SAMMSON: variants seen among roughly 807,000 people sequenced by gnomAD.
SAMMSON encodes long intergenic non-protein coding RNA 1212.
intron 3 of SAMMSON, among the ~76,000 whole-genome samples, chr3:70,024,520 A>G (rs994333582): frequency 6.6e-6 from 1 of 152,206 alleles, no homozygotes; most frequent in Non-Finnish European, 1.5e-5. Context: ...AAAGACATGG[A>G]GCCAGTAAGC....
intron 6 of SAMMSON, among the ~76,000 whole-genome samples, chr3:70,268,397 C>A (rs756812452): frequency 1.3e-5 from 2 of 148,240 alleles, no homozygotes; most frequent in Non-Finnish European, 3.0e-5. Flanking sequence ...ATCACTTGAA[C>A]CCGGGAGGCG....
intron 6 of SAMMSON, among the ~76,000 whole-genome samples, chr3:70,288,960 C>T (rs995850340): frequency 2.6e-4 from 39 of 152,030 alleles, no homozygotes; most frequent in South Asian, 4.2e-4. Flanking sequence ...TGTCTCTGCA[C>T]GTGAGATGGG....
chr3:70,126,298 G>A lies in SAMMSON; in HGVS notation n.507+54733G>A, dbSNP rs1030639236. 3.4e-6 allele frequency: 4 copies of A among 1,161,942 alleles called. No homozygotes were observed. In the Admixed American group the frequency reaches 8.0e-5, roughly 23 times the overall value. 72.0% of individuals were successfully genotyped at this position (1,161,942 alleles called of 1,614,324 possible). A position where few individuals can be genotyped will look rare whatever the true frequency, so the allele number is the denominator to read the frequency against. ...GAGACTGGAGTGGGACATGGGGAGTGAACTTGATCTTGCTCTTTTGCAAAT... is the reference window on the plus strand; with the variant it reads ...GAGACTGGAGTGGGACATGGGGAGTAAACTTGATCTTGCTCTTTTGCAAAT... On this transcript the variant is annotated intron_variant and non_coding_transcript_variant, in intron 4 of 9. Coordinates refer to ENST00000642114, the Ensembl canonical transcript of SAMMSON.
rs35757148 is a variant in SAMMSON at position 70,057,657 on chromosome 3, A to AGTGT, written n.418-13798_418-13795dup. On this transcript the variant is annotated intron_variant and non_coding_transcript_variant, in intron 3 of 9. Coordinates refer to ENST00000642114, the Ensembl canonical transcript of SAMMSON. ...ATGCATATACATATGTATATGGATG[A>AGTGT]GTGTGTGTGTGTGTGTGTGTGTGTA... Among the ~76,000 whole-genome samples, 321 of 148,972 alleles carry AGTGT rather than the reference A, an allele frequency of 2.2e-3. 2 individuals are homozygous for AGTGT. The highest frequency in any genetic ancestry group is 6.6e-3 in the South Asian group (31 of 4,696).
intron 2 of SAMMSON, among the ~76,000 whole-genome samples, chr3:70,421,202 C>T (rs1478669846): frequency 6.6e-6 from 1 of 151,988 alleles, no homozygotes; most frequent in Non-Finnish European, 1.5e-5. Flanking sequence ...CTTTTTTATG[C>T]TAGCTATGCT....
intron 6 of SAMMSON, among the ~76,000 whole-genome samples, chr3:70,273,141 C>G (rs1172764011): frequency 2.6e-5 from 4 of 152,162 alleles, no homozygotes; most frequent in African/African-American, 4.8e-5. Flanking sequence ...CCTAAAAGGA[C>G]TGACAAATCT....
At chr3:70,261,246 T>TA (rs1701863611) in intron 6 of SAMMSON, among the ~76,000 whole-genome samples, 1 of 152,212 alleles carries the variant, frequency 6.6e-6, no homozygotes, top group African/African-American at 2.4e-5. Flanking sequence ...CTTGGATTCT[T>TA]AAAATCAAAG....
intron 4 of SAMMSON, among the ~76,000 whole-genome samples, chr3:70,116,133 C>T (rs552052436): frequency 3.3e-5 from 5 of 151,662 alleles, no homozygotes; most frequent in African/African-American, 9.7e-5. Context: ...GAAGATTTAA[C>T]GAAAGTAACT....
At chr3:70,097,505 T>C (rs2067327087) in intron 4 of SAMMSON, among the ~76,000 whole-genome samples, 1 of 152,240 alleles carries the variant, frequency 6.6e-6, no homozygotes, top group African/African-American at 2.4e-5. Flanking sequence ...ATAACTTGAT[T>C]TGTTGCCTTC....
chr3:70,380,376 C>G (rs891715253), intron 9 of SAMMSON, among the ~76,000 whole-genome samples: 1 of 151,966 alleles, frequency 6.6e-6, no homozygotes, highest in Admixed American at 6.6e-5. Context: ...CTGTAACATA[C>G]TATTTGAATT....
intron 4 of SAMMSON, among the ~76,000 whole-genome samples, chr3:70,105,984 C>G (rs2067365941): frequency 6.8e-6 from 1 of 146,510 alleles, no homozygotes; most frequent in Non-Finnish European, 1.5e-5. Context: ...ATAGTTGGTG[C>G]TCCCTACTCC....
At chr3:70,247,372 A>C (rs1701717142) in intron 4 of SAMMSON, among the ~76,000 whole-genome samples, 1 of 151,980 alleles carries the variant, frequency 6.6e-6, no homozygotes, top group Non-Finnish European at 1.5e-5. Flanking sequence ...ATGCGGAGAG[A>C]GTTAGTGAAT....
chr3:70,067,370 T>G (rs2067213378), intron 3 of SAMMSON, among the ~76,000 whole-genome samples: 1 of 152,102 alleles, frequency 6.6e-6, no homozygotes, highest in Non-Finnish European at 1.5e-5. Context: ...TGAAAATATA[T>G]TAACCCATAA....
chr3:70,159,571 T>TA (rs1168317816), intron 4 of SAMMSON: 13 of 150,208 alleles, frequency 8.7e-5, no homozygotes, highest in Admixed American at 5.3e-4. Context: ...ATTGTCTGAC[T>TA]TTTTTTTTTC....
intron 4 of SAMMSON, among the ~76,000 whole-genome samples, chr3:70,165,506 T>C (rs1296711746): frequency 1.3e-5 from 2 of 151,954 alleles, no homozygotes; most frequent in African/African-American, 4.8e-5. Context: ...GAACCGAATA[T>C]GCTGATGCTT....
intron 3 of SAMMSON, among the ~76,000 whole-genome samples, chr3:70,064,616 G>A (rs2067202369): frequency 6.6e-6 from 1 of 152,050 alleles, no homozygotes; most frequent in Admixed American, 6.6e-5. Flanking sequence ...TCAGAGTGGG[G>A]CCATGCTTCC....
At chr3:70,064,716 A>G (rs1241192882) in intron 3 of SAMMSON, among the ~76,000 whole-genome samples, 1 of 152,144 alleles carries the variant, frequency 6.6e-6, no homozygotes, top group Non-Finnish European at 1.5e-5. Flanking sequence ...CATGCCAAGA[A>G]GTCATGGCGC....
intron 4 of SAMMSON, among the ~76,000 whole-genome samples, chr3:70,159,858 G>C (rs1297228351): frequency 2.0e-5 from 3 of 151,906 alleles, no homozygotes; most frequent in African/African-American, 7.2e-5. Flanking sequence ...GCCTGGCCCT[G>C]ACTTTTTAAA....
chr3:70,262,399 A>C (rs2106662689), intron 6 of SAMMSON, among the ~76,000 whole-genome samples: 1 of 152,298 alleles, frequency 6.6e-6, no homozygotes, highest in East Asian at 1.9e-4. Context: ...AACTTCAATC[A>C]GTGTTCTTTA....
Sources: allele counts gnomAD v4.1 joint callset (sites outside exome capture counted in the v4.1 genomes callset), GRCh38; gene constraint gnomAD v4.1.1; transcripts MANE v1.5; gene names NCBI Gene and HGNC (gene_info 2026-07-23, HGNC 2026-07-21).